Variants in KCNQ1 observed in about 807,000 individuals in gnomAD.
The protein encoded by KCNQ1 is potassium voltage-gated channel subfamily KQT member 1.
KCNQ1 carries 49 observed loss-of-function variants against 72.4 expected under a neutral mutation model. That is an observed-to-expected ratio of 0.68 (90% confidence interval 0.54 to 0.86). The LOEUF (loss-of-function observed/expected upper bound fraction) is 0.86. Among genes scored for constraint, KCNQ1 ranks in the 40% least tolerant of loss-of-function variants. The probability of loss-of-function intolerance (pLI) is 0.00; values close to 1 mark genes in which losing one functional copy is unlikely to be tolerated. For missense variants in KCNQ1, 790 were observed against 945.1 expected (o/e 0.84, Z 2.15); for synonymous variants, 450 against 412.6 (o/e 1.09, Z -1.10).
chr11:2,508,212 C>T lies in KCNQ1; in HGVS notation c.387-19716C>T, dbSNP rs145781334. On this transcript the variant is annotated intron_variant, in intron 1 of 15. Transcript: ENST00000155840. This position sits in a 1 kb window ranked among gnomAD's most constrained non-coding sequence, Gnocchi z 6.2. Reference sequence around the variant, plus strand: ...ACACTAGGCATGCATGTTTGAGGTACCACAACCTCCACCAACCCATGGTGG... The same window carrying T: ...ACACTAGGCATGCATGTTTGAGGTATCACAACCTCCACCAACCCATGGTGG... Among the ~76,000 whole-genome samples the T allele has an allele frequency of 1.1e-3, 170 of 152,308 alleles. 1 individual carries two copies. Among genetic ancestry groups the T allele is most frequent in the African/African-American group, 3.8e-3 (159 of 41,574 alleles).
intron 6 of KCNQ1, among the ~76,000 whole-genome samples, chr11:2,574,868 C>T (rs566769808): frequency 2.3e-3 from 353 of 152,348 alleles, no homozygotes; most frequent in Non-Finnish European, 3.3e-3. Flanking sequence ...CCTGTGTCCC[C>T]GAAGGCCCCA....
In KCNQ1 at chr11:2,602,249, T is replaced by A. The variant is rs1848818494; in HGVS notation, c.1393+13395T>A. ...TTGATTTTTCGTCCCCTAAGACTCT[T>A]TTCAGACTTCTGGCCTCTAGAACTG... is the stretch of plus-strand genomic sequence containing the variant. On this transcript the variant is annotated intron_variant, in intron 10 of 15. Transcript: ENST00000155840. This position sits in a 1 kb window ranked among gnomAD's most constrained non-coding sequence, Gnocchi z 4.8. Among the ~76,000 whole-genome samples the A allele has an allele frequency of 6.6e-6, 1 of 151,764 alleles. No individual in the cohort carries two copies. Among genetic ancestry groups the A allele is most frequent in the African/African-American group, 2.4e-5 (1 of 41,358 alleles).
At chr11:2,607,809 A>T (rs1397054803) in intron 10 of KCNQ1, among the ~76,000 whole-genome samples, 2 of 152,186 alleles carry the variant, frequency 1.3e-5, no homozygotes, top group African/African-American at 4.8e-5. Context: ...AATAAGTCCC[A>T]TTTGGTTATA....
chr11:2,448,748 C>T (rs1565024669), intron 1 of KCNQ1, among the ~76,000 whole-genome samples: 1 of 152,250 alleles, frequency 6.6e-6, no homozygotes, highest in Non-Finnish European at 1.5e-5. Flanking sequence ...GGGCTTTTCC[C>T]AGTGCTACCT....
rs1412777090 is a variant in KCNQ1 at position 2,562,664 on chromosome 11, T to G, written c.478-7964T>G. Among the ~76,000 whole-genome samples, 1 of 152,198 alleles carries G rather than the reference T, an allele frequency of 6.6e-6. No individual in the cohort carries two copies. The highest frequency in any genetic ancestry group is 1.5e-5 in the Non-Finnish European group (1 of 68,038). ...GTCTCCAGGCCCCATCTTGGCCTGA[T>G]GAGGCCTCATTGTCTCCTAAAAAGT... On this transcript the variant is annotated intron_variant, in intron 2 of 15. Transcript: ENST00000155840. The surrounding 1 kb of genome is among the most constrained non-coding windows in gnomAD (Gnocchi z 7.5).
chr11:2,694,946 G>A (rs1040200832), intron 11 of KCNQ1: 1 of 398,636 alleles, frequency 2.5e-6, no homozygotes, highest in African/African-American at 2.1e-5. Context: ...CTTGGGGCAG[G>A]AGGGATACTT....
chr11:2,445,108 G>A lies in KCNQ1; in HGVS notation c.10G>A (p.Ala4Thr). 2 of 1,092,146 alleles carry A rather than the reference G, an allele frequency of 1.8e-6. No individual in the cohort carries two copies. Among genetic ancestry groups the A allele is most frequent in the South Asian group, 7.8e-5 (2 of 25,688 alleles). 67.7% of individuals were successfully genotyped at this position (1,092,146 alleles called of 1,614,324 possible). MAA[A>T]SSPPRAERKR... ...GCAGGCCCTCCTCGTTATGGCCGCG[G>A]CCTCCTCCCCGCCCAGGGCCGAGAG... is the stretch of plus-strand genomic sequence containing the variant. Residue 4 changes from alanine (A) to threonine (T), a missense_variant, in exon 1 of 16, where the codon GCC becomes ACC. Physicochemically the swap from Ala to Thr is moderately conservative, Grantham distance 58. Transcript: ENST00000155840.
intron 15 of KCNQ1, among the ~76,000 whole-genome samples, chr11:2,794,152 A>G (rs1847085260): frequency 6.6e-6 from 1 of 152,166 alleles, no homozygotes; most frequent in African/African-American, 2.4e-5. Flanking sequence ...GTGAGGATGC[A>G]GTTCCAGGAG....
chr11:2,506,960 A>G (rs1399949900), intron 1 of KCNQ1, among the ~76,000 whole-genome samples: 3 of 152,062 alleles, frequency 2.0e-5, no homozygotes, highest in African/African-American at 7.2e-5. Flanking sequence ...ATATTGTGGG[A>G]ACGTTTGTCT....
Position 2,848,803 on chromosome 11 carries a change from C to G in KCNQ1, c.*800C>G, listed in dbSNP as rs1239918935. 1 of 454,176 alleles carries G rather than the reference C, an allele frequency of 2.2e-6. No individual in the cohort carries two copies. The highest frequency in any genetic ancestry group is 1.6e-5 in the South Asian group (1 of 64,482). The allele number at this position is 454,176 out of a possible 1,614,324, so 28.1% of individuals were successfully genotyped here. The stretch of plus-strand genomic sequence containing the variant: ...CCAAACACACAGAAGGGGACTGCCA[C>G]CTCCCCTTGCCAGCTGCTGAGCCGC... On this transcript the variant is annotated 3_prime_UTR_variant, in exon 16 of 16. Coordinates refer to ENST00000155840, the MANE Select transcript of KCNQ1 (RefSeq NM_000218.3).
At chr11:2,512,660 G>A (rs2133618401) in intron 1 of KCNQ1, among the ~76,000 whole-genome samples, 1 of 152,322 alleles carries the variant, frequency 6.6e-6, no homozygotes, top group African/African-American at 2.4e-5. Context: ...TGGGCCTGAG[G>A]CTGAGCTGGG....
intron 10 of KCNQ1, chr11:2,655,614 C>G (rs984957306): frequency 1.3e-5 from 5 of 398,634 alleles, no homozygotes; most frequent in African/African-American, 1.0e-4. Flanking sequence ...GGGCACAGCA[C>G]TTGCCCTCAA....
intron 12 of KCNQ1, among the ~76,000 whole-genome samples, chr11:2,774,574 T>C (rs11826085): frequency 0.12 from 18,149 of 152,254 alleles, 1,143 homozygotes; most frequent in Middle Eastern, 0.18. Context: ...CTGCCCTGTC[T>C]TGGGATTCCT....
chr11:2,502,718 G>T (rs1847037712), intron 1 of KCNQ1, among the ~76,000 whole-genome samples: 1 of 152,238 alleles, frequency 6.6e-6, no homozygotes, highest in Admixed American at 6.5e-5. Flanking sequence ...TAAAGTCCCA[G>T]AATAGTCAAA....
chr11:2,544,981 A>ACTATT lies in KCNQ1; in HGVS notation c.477+16963_477+16964insCTATT, dbSNP rs1564812234. Among the ~76,000 whole-genome samples, 17 of 151,976 alleles carry ACTATT rather than the reference A, an allele frequency of 1.1e-4. No individual in the cohort carries two copies. Among genetic ancestry groups the ACTATT allele is most frequent in the African/African-American group, 4.1e-4 (17 of 41,344 alleles). On this transcript the variant is annotated intron_variant, in intron 2 of 15. Transcript: ENST00000155840. The surrounding 1 kb of genome is among the most constrained non-coding windows in gnomAD (Gnocchi z 4.4). Reference sequence around the variant, plus strand: ...AAGGAAACGTCCCCTCTAATACTATAGCTGAGAGCTTTTAATATGAATGGG... The same window carrying ACTATT: ...AAGGAAACGTCCCCTCTAATACTATACTATTGCTGAGAGCTTTTAATATGAATGGG...
rs1209049439 is a variant in KCNQ1 at position 2,745,971 on chromosome 11, A to G, written c.1515-22873A>G. On this transcript the variant is annotated intron_variant, in intron 11 of 15. Transcript: ENST00000155840. The surrounding 1 kb of genome is among the most constrained non-coding windows in gnomAD (Gnocchi z 6.2). ...GTGGTGCGATCTCGGCTCACTGCAAACTCCACCTCCCGGGTTCAAGCGATT... is the reference window on the plus strand; with the variant it reads ...GTGGTGCGATCTCGGCTCACTGCAAGCTCCACCTCCCGGGTTCAAGCGATT... Among the ~76,000 whole-genome samples, 2 of 151,334 alleles carry G rather than the reference A, an allele frequency of 1.3e-5. No individual in the cohort carries two copies. The highest frequency in any genetic ancestry group is 4.9e-5 in the African/African-American group (2 of 41,094).
chr11:2,625,645 G>A (rs1384722812), intron 10 of KCNQ1: 6 of 395,736 alleles, frequency 1.5e-5, no homozygotes, highest in Non-Finnish European at 8.9e-6. Context: ...GTGCCATCTC[G>A]GCTTACTGCA....
intron 15 of KCNQ1, among the ~76,000 whole-genome samples, chr11:2,800,335 G>C (rs1464000599): frequency 6.6e-6 from 1 of 152,232 alleles, no homozygotes; most frequent in Non-Finnish European, 1.5e-5. Context: ...CTACTGGGCA[G>C]AGGCTATAGA....
intron 1 of KCNQ1, among the ~76,000 whole-genome samples, chr11:2,465,006 A>G (rs1033791608): frequency 3.3e-5 from 5 of 152,144 alleles, no homozygotes; most frequent in Admixed American, 1.3e-4. Context: ...GGTGCAGGCC[A>G]TGGGCTCTTG....
Sources: gnomAD v4.1 joint callset for allele counts (sites outside exome capture counted in the v4.1 genomes callset) on GRCh38, gnomAD v4.1.1 for gene constraint, Gnocchi (gnomAD v3.1) non-coding constraint, MANE v1.5 for transcripts, NCBI Gene and HGNC (gene_info 2026-07-23, HGNC 2026-07-21) for gene names.